CRELD1: variants seen among roughly 807,000 people sequenced by gnomAD.
CRELD1 encodes the protein CRELD disulfide isomerase 1, also known as protein disulfide isomerase CRELD1.
In CRELD1, 42 loss-of-function variants were observed where a neutral mutation model predicts 58.2. The ratio of observed to expected loss-of-function variants is 0.72; its 90% confidence interval spans 0.56 to 0.93. The LOEUF (loss-of-function observed/expected upper bound fraction) is 0.93. CRELD1 is among the 40% of genes least tolerant of loss of function. The probability of loss-of-function intolerance (pLI) is 0.00; values close to 1 mark genes in which losing one functional copy is unlikely to be tolerated. For missense variants in CRELD1, 500 were observed against 540.6 expected (o/e 0.92, Z 0.74); for synonymous variants, 222 against 202.0 (o/e 1.10, Z -0.84).
rs1448372441 is a variant in CRELD1 at position 9,944,403 on chromosome 3, TTGG to T, written c.1093_1095del (p.Val365del). On this transcript the variant is annotated inframe_deletion, in exon 11 of 11. Transcript: ENST00000452070. The stretch of plus-strand genomic sequence containing the variant: ...CTTCTCAGAGATGACAGAAGACGAG[TTGG>T]TGGTGCTGCAGCAGATGTTCTTTGG... 15 of 1,613,942 alleles carry T rather than the reference TTGG, an allele frequency of 9.3e-6. No individual in the cohort carries two copies. Among genetic ancestry groups the T allele is most frequent in the Non-Finnish European group, 7.6e-6 (9 of 1,180,030 alleles).
At chr3:9,939,943 C>T (rs989642783) in intron 5 of CRELD1, among the ~76,000 whole-genome samples, 30 of 149,356 alleles carry the variant, frequency 2.0e-4, no homozygotes, top group African/African-American at 6.2e-4. Flanking sequence ...CCGGACGGGG[C>T]GGCTGGCCGG....
intron 3 of CRELD1, among the ~76,000 whole-genome samples, chr3:9,936,931 T>A (rs895468109): frequency 6.6e-6 from 1 of 152,270 alleles, no homozygotes; most frequent in Non-Finnish European, 1.5e-5. Flanking sequence ...CATTTGGCTG[T>A]ACCACATTTT....
chr3:9,936,165 G>C (rs187111551), intron 3 of CRELD1: 1 of 152,308 alleles, frequency 6.6e-6, no homozygotes, highest in East Asian at 1.9e-4. Flanking sequence ...CCTGTAAAAT[G>C]GGGATATTAA....
At chr3:9,937,756 T>A in intron 4 of CRELD1, 84 bp downstream of exon 4, 2 of 988,026 alleles carry the variant, frequency 2.0e-6, no homozygotes, top group Non-Finnish European at 3.2e-6. Context: ...AGCAGGGGGG[T>A]GCATGCTGGG....
At position 9,937,302 on chromosome 3, in the gene CRELD1, C is replaced by T. The variant is rs373572955; in HGVS notation, c.258-260C>T. Among the ~76,000 whole-genome samples the T allele has an allele frequency of 5.9e-5, 9 of 152,266 alleles. No individual in the cohort carries two copies. The East Asian group carries it at 9.6e-4, about 16-fold the overall frequency. The stretch of plus-strand genomic sequence containing the variant: ...AGGAACTGATGTATGTTACAACAAA[C>T]CTGCAGGGAAGGTATTGTCATCCCC... On this transcript the variant is annotated intron_variant, in intron 3 of 10. Transcript: ENST00000452070.
At chr3:9,943,770 C>T in intron 10 of CRELD1, 1 of 1,601,036 alleles carries the variant, frequency 6.2e-7, no homozygotes, top group South Asian at 1.1e-5. Context: ...CTCATCTATC[C>T]AATGGGACCA....
chr3:9,941,431 T>C (rs1389463710), intron 7 of CRELD1, among the ~76,000 whole-genome samples: 1 of 151,950 alleles, frequency 6.6e-6, no homozygotes, highest in African/African-American at 2.4e-5. Context: ...TCTAGTTCAG[T>C]GGAAGTGGTG....
Position 9,945,011 on chromosome 3 carries a change from G to T in CRELD1, c.*432G>T, listed in dbSNP as rs1427014951. On this transcript the variant is annotated 3_prime_UTR_variant, in exon 11 of 11. Coordinates refer to ENST00000452070, the MANE Select transcript of CRELD1 (RefSeq NM_001077415.3). ...TTATTTATTCATCTCAGGAAATAAA[G>T]AAAGGTCTTGGAAAGTTAAAAGGCA... The T allele has an allele frequency of 8.0e-6, 2 of 251,302 alleles. No homozygotes were observed. The highest frequency in any genetic ancestry group is 1.6e-5 in the Non-Finnish European group (2 of 126,106). The allele number at this position is 251,302 out of a possible 1,614,324, so 15.6% of individuals were successfully genotyped here. A position where few individuals can be genotyped will look rare whatever the true frequency, so the allele number is the denominator to read the frequency against.
chr3:9,943,984 A>G, intron 10 of CRELD1: 1 of 1,045,880 alleles, frequency 9.6e-7, no homozygotes, highest in Non-Finnish European at 1.5e-6. Context: ...CTACATATGT[A>G]AAAATGAAGA....
chr3:9,943,642 G>A (rs777954772), intron 10 of CRELD1, 127 bp downstream of exon 10: 61 of 1,577,042 alleles, frequency 3.9e-5, no homozygotes, highest in Non-Finnish European at 5.1e-5. Context: ...CCTGGAGGCT[G>A]CACTGAGACC....
At chr3:9,941,445 G>T (rs1319441710) in intron 7 of CRELD1, among the ~76,000 whole-genome samples, 1 of 152,140 alleles carries the variant, frequency 6.6e-6, no homozygotes, top group Non-Finnish European at 1.5e-5. Context: ...AGTGGTGATG[G>T]GGAATCAGGA....
intron 9 of CRELD1, 86 bp downstream of exon 9, chr3:9,943,258 G>C: frequency 6.3e-7 from 1 of 1,592,094 alleles, no homozygotes; most frequent in Non-Finnish European, 8.6e-7. Context: ...GGGCAGGTGG[G>C]GGAAGGAAGG....
At chr3:9,939,486 G>T (rs1216572469) in intron 5 of CRELD1, among the ~76,000 whole-genome samples, 1 of 152,132 alleles carries the variant, frequency 6.6e-6, no homozygotes, top group Admixed American at 6.5e-5. Context: ...GCGGCCTTCC[G>T]CAGTGTTTGT....
intron 5 of CRELD1, among the ~76,000 whole-genome samples, chr3:9,939,939 G>A (rs2085303710): frequency 6.6e-6 from 1 of 151,854 alleles, no homozygotes; most frequent in Non-Finnish European, 1.5e-5. Flanking sequence ...CCTCCCGGAC[G>A]GGGCGGCTGG....
rs1242135652 is a variant in CRELD1, at chr3:9,934,521, G to A, written c.83G>A (p.Trp28Ter). Reference sequence around the variant, plus strand: ...TTCCTCAACCTCCCAGGACCTATCTGGCTCCAGCCCTCTCCACCTCCCCAG... The same window carrying A: ...TTCCTCAACCTCCCAGGACCTATCTAGCTCCAGCCCTCTCCACCTCCCCAG... ...SLFLNLPGPI[W>*]LQPSPPPQSS... Residue 28 changes from tryptophan (W) to a stop codon, truncating the protein, a stop_gained, in exon 2 of 11, where the codon TGG (tryptophan) becomes TAG (stop). Coordinates refer to ENST00000452070, the MANE Select transcript of CRELD1 (RefSeq NM_001077415.3). LOFTEE classifies it high-confidence loss of function. The A allele has an allele frequency of 2.5e-6, 4 of 1,613,822 alleles. No homozygotes were observed. Among genetic ancestry groups the A allele is most frequent in the Non-Finnish European group, 3.4e-6 (4 of 1,179,940 alleles).
chr3:9,939,477 C>T (rs4234586), intron 5 of CRELD1, among the ~76,000 whole-genome samples: 55,530 of 151,624 alleles, frequency 0.37, 13,845 homozygotes, highest in African/African-American at 0.71. Flanking sequence ...GAGGACCCTG[C>T]GGCCTTCCGC....
rs533040823 is a variant in CRELD1, at chr3:9,944,720, G to C, written c.*141G>C. 9 of 819,296 alleles carry C rather than the reference G, an allele frequency of 1.1e-5. No homozygotes were observed. The highest frequency in any genetic ancestry group is 2.0e-5 in the Admixed American group (1 of 49,082). 50.8% of individuals were successfully genotyped at this position (819,296 alleles called of 1,614,324 possible). On this transcript the variant is annotated 3_prime_UTR_variant, in exon 11 of 11. Coordinates refer to ENST00000452070, the MANE Select transcript of CRELD1 (RefSeq NM_001077415.3). ...CCTACCTGCCTTACAGAGCAGCCCA[G>C]GTACCCAGGCCCGGGCAGACAAGGC...
rs748472094 is a variant in CRELD1 at position 9,940,972 on chromosome 3, T to C, written c.583T>C (p.Cys195Arg). ...CTACGGGGGTGAGGCCTGTGGCCAG[T>C]GTGGCCTTGGCTACTTTGAGGCAGA... ...AGYGGEACGQ[C>R]GLGYFEAERN... is the part of the protein sequence containing the mutation. The change falls in exon 6 of 11, where the codon TGT becomes CGT. Residue 195 changes from cysteine to arginine, a missense_variant. Physicochemically the swap from Cys to Arg is radical, Grantham distance 180 (BLOSUM62 -3). Transcript: ENST00000452070. 1.2e-6 allele frequency: 2 copies of C among 1,614,076 alleles called. No individual in the cohort carries two copies. Among genetic ancestry groups the C allele is most frequent in the South Asian group, 2.2e-5 (2 of 91,078 alleles).
rs747604216 is a variant in CRELD1 at position 9,942,808 on chromosome 3, T to C, written c.734-5T>C. On this transcript the variant is annotated splice_region_variant and splice_polypyrimidine_tract_variant and intron_variant, in intron 7 of 10. Transcript: ENST00000452070. Reference sequence around the variant, plus strand: ...GAAATTCTCACCCTGCTCACCTCTCTGCAGACATTGATGAGTGTGGCACAG... The same window carrying C: ...GAAATTCTCACCCTGCTCACCTCTCCGCAGACATTGATGAGTGTGGCACAG... 2 of 1,613,022 alleles carry C rather than the reference T, an allele frequency of 1.2e-6. No homozygotes were observed. Among genetic ancestry groups the C allele is most frequent in the Non-Finnish European group, 8.5e-7 (1 of 1,179,056 alleles).
Sources: allele counts gnomAD v4.1 joint callset (sites outside exome capture counted in the v4.1 genomes callset), GRCh38; gene constraint gnomAD v4.1.1; transcripts MANE v1.5; gene names NCBI Gene and HGNC (gene_info 2026-07-23, HGNC 2026-07-21).